Variants in CALML3 observed in about 807,000 individuals in gnomAD.
The protein encoded by CALML3 is calmodulin like 3.
For synonymous variants in CALML3, 98 were observed against 89.9 expected (o/e 1.09, Z -0.51); for missense variants, 198 against 214.1 (o/e 0.92, Z 0.47).
chr10:5,525,427 G>A lies in CALML3; in HGVS notation c.342G>A (p.Gly114=). The part of the protein sequence containing the change: ...AELRHVMTRL[G]EKLSDEEVDE... The stretch of plus-strand genomic sequence containing the variant: ...TGCGACACGTCATGACCCGGCTGGG[G>A]GAGAAGCTGAGTGACGAGGAGGTGG... Residue 114 remains glycine, a synonymous_variant, in exon 1 of 1, where the codon GGG becomes GGA. Transcript: ENST00000315238. The A allele has an allele frequency of 1.2e-6, 2 of 1,613,982 alleles. No homozygotes were observed. Among genetic ancestry groups the A allele is most frequent in the Non-Finnish European group, 1.7e-6 (2 of 1,179,998 alleles).
chr10:5,525,820 C>G lies in CALML3; in HGVS notation c.*285C>G. The G allele has an allele frequency of 7.7e-7, 1 of 1,297,692 alleles. No homozygotes were observed. The highest frequency in any genetic ancestry group is 9.9e-7 in the Non-Finnish European group (1 of 1,008,038). 80.4% of individuals were successfully genotyped at this position (1,297,692 alleles called of 1,614,324 possible). A position where few individuals can be genotyped will look rare whatever the true frequency, so the allele number is the denominator to read the frequency against. ...GCAGAGCTGACCTTAGGACCGAGCA[C>G]CAGGGCAGGTTGCGCTGACTCTGCG... On this transcript the variant is annotated 3_prime_UTR_variant, in exon 1 of 1. Transcript: ENST00000315238.
Position 5,525,708 on chromosome 10 carries a change from T to G in CALML3, c.*173T>G. The G allele has an allele frequency of 6.9e-7, 1 of 1,445,386 alleles. No homozygotes were observed. The allele number at this position is 1,445,386 out of a possible 1,614,324, so 89.5% of individuals were successfully genotyped here. On this transcript the variant is annotated 3_prime_UTR_variant, in exon 1 of 1. Coordinates refer to ENST00000315238, the MANE Select transcript of CALML3 (RefSeq NM_005185.4). ...CGCTTCCCGCGTCTCTTCTCTGCAC[T>G]CCTGCCGACCTTCCCACCTGCTCGT...
Position 5,525,281 on chromosome 10 carries a change from T to C in CALML3, c.196T>C (p.Phe66Leu), listed in dbSNP as rs766266211. The change falls in exon 1 of 1, where the codon TTC (phenylalanine) becomes CTC (leucine). Residue 66 changes from phenylalanine (F) to leucine (L), a missense_variant. Coordinates refer to ENST00000315238, the MANE Select transcript of CALML3 (RefSeq NM_005185.4). ...CCGGGACGGCAACGGCACCGTGGACTTCCCCGAGTTCCTGGGCATGATGGC... is the reference window on the plus strand; with the variant it reads ...CCGGGACGGCAACGGCACCGTGGACCTCCCCGAGTTCCTGGGCATGATGGC... ...IDRDGNGTVD[F>L]PEFLGMMARK... The C allele has an allele frequency of 1.2e-6, 2 of 1,613,884 alleles. No individual in the cohort carries two copies. Among genetic ancestry groups the C allele is most frequent in the Non-Finnish European group, 1.7e-6 (2 of 1,179,976 alleles).
Position 5,525,250 on chromosome 10 carries a change from G to C in CALML3, c.165G>C (p.Glu55Asp), listed in dbSNP as rs781622049. ...CCGAGCTGCGGGACATGATGAGTGA[G>C]ATCGACCGGGACGGCAACGGCACCG... is the stretch of plus-strand genomic sequence containing the variant. ...TEAELRDMMS[E>D]IDRDGNGTVD... is the part of the protein sequence containing the mutation. Residue 55 changes from glutamate to aspartate, a missense_variant, in exon 1 of 1, where the codon GAG becomes GAC. By Grantham distance (45) the Glu-to-Asp change is conservative. Coordinates refer to ENST00000315238, the MANE Select transcript of CALML3 (RefSeq NM_005185.4). 7 of 1,613,982 alleles carry C rather than the reference G, an allele frequency of 4.3e-6. No individual in the cohort carries two copies. The South Asian group carries it at 7.7e-5, about 18-fold the overall frequency.
rs1022324238 is a variant in CALML3, at chr10:5,526,664, C to G, written c.*1129C>G. On this transcript the variant is annotated 3_prime_UTR_variant, in exon 1 of 1. Coordinates refer to ENST00000315238, the MANE Select transcript of CALML3 (RefSeq NM_005185.4). The stretch of plus-strand genomic sequence containing the variant: ...TTCAGAGCCGTTAGTCCTGCACTAG[C>G]CCTGCAAGCTGCTGGCAACACCTAG... The G allele has an allele frequency of 6.0e-6, 1 of 167,120 alleles. No individual in the cohort carries two copies. Among genetic ancestry groups the G allele is most frequent in the African/African-American group, 2.4e-5 (1 of 41,414 alleles). 10.4% of individuals were successfully genotyped at this position (167,120 alleles called of 1,614,324 possible).
Position 5,525,177 on chromosome 10 carries a change from G to A in CALML3, c.92G>A (p.Arg31His), listed in dbSNP as rs1327202118. 1.2e-6 allele frequency: 2 copies of A among 1,613,830 alleles called. No homozygotes were observed. The highest frequency in any genetic ancestry group is 1.1e-5 in the South Asian group (1 of 91,062). ...GATGGGGACGGCTGCATCACCACCC[G>A]CGAGCTGGGCACGGTCATGCGGTCC... is the stretch of plus-strand genomic sequence containing the variant. Reference protein sequence around the residue: ...DKDGDGCITTRELGTVMRSLG... With the variant: ...DKDGDGCITTHELGTVMRSLG... The change falls in exon 1 of 1, where the codon CGC (arginine) becomes CAC (histidine). Residue 31 changes from arginine to histidine, a missense_variant. Coordinates refer to ENST00000315238, the MANE Select transcript of CALML3 (RefSeq NM_005185.4).
In CALML3 at chr10:5,525,428, G is replaced by C; in HGVS notation, c.343G>C (p.Glu115Gln). The C allele has an allele frequency of 6.2e-7, 1 of 1,613,986 alleles. No homozygotes were observed. Among genetic ancestry groups the C allele is most frequent in the Non-Finnish European group, 8.5e-7 (1 of 1,179,998 alleles). The stretch of plus-strand genomic sequence containing the variant: ...GCGACACGTCATGACCCGGCTGGGG[G>C]AGAAGCTGAGTGACGAGGAGGTGGA... ...ELRHVMTRLGEKLSDEEVDEM... is the reference protein window; with the variant it reads ...ELRHVMTRLGQKLSDEEVDEM... The change falls in exon 1 of 1, where the codon GAG becomes CAG. Residue 115 changes from glutamate to glutamine, a missense_variant. Transcript: ENST00000315238.
Position 5,525,815 on chromosome 10 carries a change from G to C in CALML3, c.*280G>C, listed in dbSNP as rs956148417. On this transcript the variant is annotated 3_prime_UTR_variant, in exon 1 of 1. Transcript: ENST00000315238. ...GAGAAGCAGAGCTGACCTTAGGACC[G>C]AGCACCAGGGCAGGTTGCGCTGACT... 2 of 1,313,530 alleles carry C rather than the reference G, an allele frequency of 1.5e-6. No individual in the cohort carries two copies. The highest frequency in any genetic ancestry group is 3.4e-5 in the Admixed American group (1 of 29,530). The allele number at this position is 1,313,530 out of a possible 1,614,324, so 81.4% of individuals were successfully genotyped here. A position where few individuals can be genotyped will look rare whatever the true frequency, so the allele number is the denominator to read the frequency against.
In CALML3 at chr10:5,525,182, C is replaced by A. The variant is rs1315182835; in HGVS notation, c.97C>A (p.Leu33Met). ...DGDGCITTRE[L>M]GTVMRSLGQN... ...GGACGGCTGCATCACCACCCGCGAG[C>A]TGGGCACGGTCATGCGGTCCCTGGG... is the stretch of plus-strand genomic sequence containing the variant. Residue 33 changes from leucine (L) to methionine (M), a missense_variant, in exon 1 of 1, where the codon CTG (leucine) becomes ATG (methionine). Transcript: ENST00000315238. The A allele has an allele frequency of 6.2e-7, 1 of 1,613,802 alleles. No individual in the cohort carries two copies. Among genetic ancestry groups the A allele is most frequent in the Non-Finnish European group, 8.5e-7 (1 of 1,179,970 alleles).
chr10:5,525,454 C>T lies in CALML3; in HGVS notation c.369C>T (p.Asp123=), dbSNP rs200670376. 1.2e-6 allele frequency: 2 copies of T among 1,613,920 alleles called. No homozygotes were observed. Among genetic ancestry groups the T allele is most frequent in the East Asian group, 2.2e-5 (1 of 44,868 alleles). The change falls in exon 1 of 1, where the codon GAC becomes GAT. Residue 123 remains aspartate (D), a synonymous_variant. Coordinates refer to ENST00000315238, the MANE Select transcript of CALML3 (RefSeq NM_005185.4). The part of the protein sequence containing the change: ...LGEKLSDEEV[D]EMIRAADTDG... ...AGAAGCTGAGTGACGAGGAGGTGGA[C>T]GAGATGATCCGGGCCGCGGACACGG...
chr10:5,525,695 C>T lies in CALML3; in HGVS notation c.*160C>T, dbSNP rs548453757. 1.3e-5 allele frequency: 19 copies of T among 1,448,528 alleles called. No homozygotes were observed. In the African/African-American group the frequency reaches 2.0e-4, roughly 15 times the overall value. The allele number at this position is 1,448,528 out of a possible 1,614,324, so 89.7% of individuals were successfully genotyped here. ...CCTCTCTGCATCCCGCTTCCCGCGTCTCTTCTCTGCACTCCTGCCGACCTT... is the reference window on the plus strand; with the variant it reads ...CCTCTCTGCATCCCGCTTCCCGCGTTTCTTCTCTGCACTCCTGCCGACCTT... On this transcript the variant is annotated 3_prime_UTR_variant, in exon 1 of 1. Transcript: ENST00000315238.
In CALML3 at chr10:5,525,375, G is replaced by A. The variant is rs1275043404; in HGVS notation, c.290G>A (p.Gly97Asp). ...REAFRVFDKD[G>D]NGFVSAAELR... Reference sequence around the variant, plus strand: ...GCCTTCCGCGTGTTCGACAAGGACGGCAACGGCTTCGTCAGCGCCGCCGAG... The same window carrying A: ...GCCTTCCGCGTGTTCGACAAGGACGACAACGGCTTCGTCAGCGCCGCCGAG... The change falls in exon 1 of 1, where the codon GGC becomes GAC. Residue 97 changes from glycine to aspartate, a missense_variant. By Grantham distance (94) the Gly-to-Asp change is moderately conservative. Coordinates refer to ENST00000315238, the MANE Select transcript of CALML3 (RefSeq NM_005185.4). 7.4e-6 allele frequency: 12 copies of A among 1,613,774 alleles called. No homozygotes were observed. The highest frequency in any genetic ancestry group is 1.1e-5 in the South Asian group (1 of 91,090).
Position 5,526,488 on chromosome 10 carries a change from C to T in CALML3, c.*953C>T, listed in dbSNP as rs1470981739. The T allele has an allele frequency of 1.2e-5, 2 of 167,024 alleles. No homozygotes were observed. Among genetic ancestry groups the T allele is most frequent in the Admixed American group, 1.3e-4 (2 of 15,286 alleles). 10.3% of individuals were successfully genotyped at this position (167,024 alleles called of 1,614,324 possible). A position where few individuals can be genotyped will look rare whatever the true frequency, so the allele number is the denominator to read the frequency against. ...CAGCAAAGAGTGGTTAAAAGTCCAT[C>T]AGGACTTGAAAGACCTGAGTCCATT... is the stretch of plus-strand genomic sequence containing the variant. On this transcript the variant is annotated 3_prime_UTR_variant, in exon 1 of 1. Transcript: ENST00000315238.
rs1833579901 is a variant in CALML3 at position 5,525,876 on chromosome 10, T to C, written c.*341T>C. The C allele has an allele frequency of 2.6e-6, 2 of 776,740 alleles. No homozygotes were observed. Among genetic ancestry groups the C allele is most frequent in the Non-Finnish European group, 3.4e-6 (2 of 592,614 alleles). The allele number at this position is 776,740 out of a possible 1,614,324, so 48.1% of individuals were successfully genotyped here. ...CCAGGACGGACACCGGGTGACCCCT[T>C]AGGGCACCCAGGCAAGATCCCTAAG... On this transcript the variant is annotated 3_prime_UTR_variant, in exon 1 of 1. Transcript: ENST00000315238.
At position 5,525,596 on chromosome 10, in the gene CALML3, TC is replaced by T; in HGVS notation, c.*64del. On this transcript the variant is annotated 3_prime_UTR_variant, in exon 1 of 1. Transcript: ENST00000315238. The stretch of plus-strand genomic sequence containing the variant: ...GCCCACAGGGCAAGAACCCGGGGCC[TC>T]CCGCCTCCTCCCCCATCCCCCTGCC... 2.0e-6 allele frequency: 3 copies of T among 1,464,836 alleles called. No individual in the cohort carries two copies. The highest frequency in any genetic ancestry group is 2.7e-6 in the Non-Finnish European group (3 of 1,099,238). The allele number at this position is 1,464,836 out of a possible 1,614,324, so 90.7% of individuals were successfully genotyped here. A position where few individuals can be genotyped will look rare whatever the true frequency, so the allele number is the denominator to read the frequency against.
In CALML3 at chr10:5,525,617, C is replaced by T. The variant is rs947114742; in HGVS notation, c.*82C>T. On this transcript the variant is annotated 3_prime_UTR_variant, in exon 1 of 1. Transcript: ENST00000315238. ...GGCCTCCCGCCTCCTCCCCCATCCC[C>T]CTGCCTCCCCTGGGCACTGTGGCTT... The T allele has an allele frequency of 4.8e-6, 7 of 1,470,520 alleles. No homozygotes were observed. The highest frequency in any genetic ancestry group is 2.6e-5 in the Admixed American group (1 of 39,010). The allele number at this position is 1,470,520 out of a possible 1,614,324, so 91.1% of individuals were successfully genotyped here. A position where few individuals can be genotyped will look rare whatever the true frequency, so the allele number is the denominator to read the frequency against.
chr10:5,525,113 G>T lies in CALML3; in HGVS notation c.28G>T (p.Val10Phe). 6.2e-7 allele frequency: 1 copy of T among 1,609,760 alleles called. No individual in the cohort carries two copies. The highest frequency in any genetic ancestry group is 8.5e-7 in the Non-Finnish European group (1 of 1,176,952). Reference protein sequence around the residue: MADQLTEEQVTEFKEAFSLF... With the variant: MADQLTEEQFTEFKEAFSLF... ...GGCCGACCAGCTGACTGAGGAGCAG[G>T]TCACAGAATTCAAGGAGGCCTTCTC... Residue 10 changes from valine (V) to phenylalanine (F), a missense_variant, in exon 1 of 1, where the codon GTC becomes TTC. Val to Phe is a conservative substitution (Grantham distance 50). Transcript: ENST00000315238.
At position 5,525,635 on chromosome 10, in the gene CALML3, T is replaced by C; in HGVS notation, c.*100T>C. On this transcript the variant is annotated 3_prime_UTR_variant, in exon 1 of 1. Coordinates refer to ENST00000315238, the MANE Select transcript of CALML3 (RefSeq NM_005185.4). ...CCATCCCCCTGCCTCCCCTGGGCAC[T>C]GTGGCTTCCTCCTGCGCCTGGTTGA... The C allele has an allele frequency of 7.7e-7, 1 of 1,293,382 alleles. No individual in the cohort carries two copies. The highest frequency in any genetic ancestry group is 1.0e-6 in the Non-Finnish European group (1 of 959,448). 80.1% of individuals were successfully genotyped at this position (1,293,382 alleles called of 1,614,324 possible).
chr10:5,524,992 C>A lies in CALML3; in HGVS notation c.-94C>A. On this transcript the variant is annotated 5_prime_UTR_variant, in exon 1 of 1. The change creates a new upstream start codon in the 5' untranslated region. Transcript: ENST00000315238. ...GCCCGCCGGCCGCCCGGATCTCCAC[C>A]TGCCACCCCAGAGCTGGGACAGCAG... 1.1e-6 allele frequency: 1 copy of A among 950,910 alleles called. No homozygotes were observed. The highest frequency in any genetic ancestry group is 1.6e-5 in the South Asian group (1 of 61,728). 58.9% of individuals were successfully genotyped at this position (950,910 alleles called of 1,614,324 possible).
Sources: gnomAD v4.1 joint callset for allele counts on GRCh38, gnomAD v4.1.1 for gene constraint, MANE v1.5 for transcripts, NCBI Gene and HGNC (gene_info 2026-07-23, HGNC 2026-07-21) for gene names.